CELF2: variants seen among roughly 807,000 people sequenced by gnomAD.
CELF2 encodes CUGBP Elav-like family member 2, also known as CUG triplet repeat RNA-binding protein 2.
In CELF2, 8 loss-of-function variants were observed where a neutral mutation model predicts 62.6. That is an observed-to-expected ratio of 0.13 (90% CI 0.07 to 0.23). The LOEUF is 0.23. CELF2 is among the 10% of genes least tolerant of loss of function. The pLI, the probability that CELF2 is intolerant of heterozygous loss-of-function variation, is 1.00. For missense variants in CELF2, 333 were observed against 671.0 expected (o/e 0.50, Z 5.56); for synonymous variants, 258 against 250.0 (o/e 1.03, Z -0.30).
At chr10:10,810,821 G>T (rs183068550) in intron 1 of CELF2, among the ~76,000 whole-genome samples, 5 of 152,178 alleles carry the variant, frequency 3.3e-5, no homozygotes, top group Non-Finnish European at 7.3e-5. Flanking sequence ...CTTCCAGTCA[G>T]CAGGAGTTCA....
chr10:10,643,051 T>A, the CELF2 span, among the ~76,000 whole-genome samples: 24 of 152,364 alleles, frequency 1.6e-4, no homozygotes, highest in African/African-American at 5.0e-4. Flanking sequence ...TCTGTTGAAA[T>A]GTAAAATATT....
chr10:10,500,809 T>C, the CELF2 span, among the ~76,000 whole-genome samples: 1 of 152,224 alleles, frequency 6.6e-6, no homozygotes, highest in Non-Finnish European at 1.5e-5. Context: ...TCCTGCCTGC[T>C]CCTTAAGCCA....
chr10:11,120,975 G>C (rs750355247), intron 1 of CELF2, among the ~76,000 whole-genome samples: 56 of 152,254 alleles, frequency 3.7e-4, no homozygotes, highest in Non-Finnish European at 6.6e-4. Context: ...GACGTGCCAA[G>C]AGCTTGCAAG....
At chr10:10,853,733 CT>C (rs563896269) in intron 1 of CELF2, among the ~76,000 whole-genome samples, 19 of 152,152 alleles carry the variant, frequency 1.2e-4, no homozygotes, top group African/African-American at 3.4e-4. Flanking sequence ...CCTCTCGGTT[CT>C]CCTCGGCATG....
At chr10:10,555,144 C>T in the CELF2 span, among the ~76,000 whole-genome samples, 2 of 152,044 alleles carry the variant, frequency 1.3e-5, no homozygotes, top group East Asian at 3.9e-4. Flanking sequence ...TTTACAGATA[C>T]ATGAAAGAAT....
the CELF2 span, among the ~76,000 whole-genome samples, chr10:10,727,612 C>G: frequency 6.6e-6 from 1 of 151,606 alleles, no homozygotes; most frequent in African/African-American, 2.4e-5. Flanking sequence ...CCGTCTCTAC[C>G]AAAAGTACAA....
the CELF2 span, among the ~76,000 whole-genome samples, chr10:10,478,077 C>T: frequency 6.6e-6 from 1 of 152,158 alleles, no homozygotes; most frequent in Non-Finnish European, 1.5e-5. Context: ...TCTATATAAA[C>T]AGTTTTCTTA....
At chr10:10,748,313 T>C in the CELF2 span, among the ~76,000 whole-genome samples, 4 of 152,192 alleles carry the variant, frequency 2.6e-5, no homozygotes, top group African/African-American at 9.7e-5. Context: ...GCACGGTCTA[T>C]GCGTGGAACA....
At chr10:11,032,006 A>G (rs910735576) in intron 1 of CELF2, among the ~76,000 whole-genome samples, 14 of 152,274 alleles carry the variant, frequency 9.2e-5, no homozygotes, top group African/African-American at 3.4e-4. Context: ...CTGTGAAACA[A>G]ACACAATTTG....
At chr10:10,897,332 G>A (rs2062628608) in intron 1 of CELF2, among the ~76,000 whole-genome samples, 1 of 152,172 alleles carries the variant, frequency 6.6e-6, no homozygotes, top group African/African-American at 2.4e-5. Flanking sequence ...GAATTGCCTT[G>A]TAGGGTCCGG....
At chr10:10,852,868 T>C (rs2059470658) in intron 1 of CELF2, among the ~76,000 whole-genome samples, 1 of 152,218 alleles carries the variant, frequency 6.6e-6, no homozygotes, top group Non-Finnish European at 1.5e-5. Context: ...ATTTGGAGGC[T>C]GAACAGGAAA....
the CELF2 span, among the ~76,000 whole-genome samples, chr10:10,665,882 C>G: frequency 1.3e-5 from 2 of 152,162 alleles, no homozygotes; most frequent in Non-Finnish European, 2.9e-5. Context: ...CTCTGCAAGC[C>G]TATCCCATAC....
At chr10:10,820,655 C>G (rs1369158935) in intron 1 of CELF2, among the ~76,000 whole-genome samples, 2 of 152,148 alleles carry the variant, frequency 1.3e-5, no homozygotes, top group African/African-American at 2.4e-5. Flanking sequence ...ACACAGATCT[C>G]TCACTCAGTT....
At chr10:10,690,239 C>G in the CELF2 span, among the ~76,000 whole-genome samples, 2 of 152,144 alleles carry the variant, frequency 1.3e-5, no homozygotes, top group African/African-American at 2.4e-5. Flanking sequence ...GTGACTGGTT[C>G]ATTATGATGC....
At chr10:10,873,147 G>A (rs979581820) in intron 1 of CELF2, among the ~76,000 whole-genome samples, 1 of 152,058 alleles carries the variant, frequency 6.6e-6, no homozygotes. Context: ...CTAAGATTTT[G>A]TCATGAAATC....
chr10:10,509,252 G>A, the CELF2 span, among the ~76,000 whole-genome samples: 1 of 152,268 alleles, frequency 6.6e-6, no homozygotes, highest in East Asian at 1.9e-4. Flanking sequence ...AACTGTCCTA[G>A]CTCTATTATG....
chr10:10,898,523 G>C (rs954585260), intron 1 of CELF2, among the ~76,000 whole-genome samples: 30 of 152,334 alleles, frequency 2.0e-4, no homozygotes, highest in Middle Eastern at 6.8e-3. Context: ...GCCAGGGATA[G>C]AGAGGGTCAT....
chr10:10,566,273 A>T, the CELF2 span, among the ~76,000 whole-genome samples: 1 of 152,030 alleles, frequency 6.6e-6, no homozygotes, highest in Non-Finnish European at 1.5e-5. Flanking sequence ...AGCACTTTGC[A>T]GGGCTTCCCA....
chr10:11,295,206 G>C (rs1049805906), intron 9 of CELF2, among the ~76,000 whole-genome samples: 9 of 146,380 alleles, frequency 6.1e-5, no homozygotes, highest in African/African-American at 2.4e-4. Flanking sequence ...CCTCTTGATA[G>C]ATTTTTTTTT....
Sources: gnomAD v4.1 joint callset for allele counts (sites outside exome capture counted in the v4.1 genomes callset) on GRCh38, gnomAD v4.1.1 for gene constraint, MANE v1.5 for transcripts, NCBI Gene and HGNC (gene_info 2026-07-23, HGNC 2026-07-21) for gene names.